The following ARSG variants were observed in gnomAD, a reference collection of about 807,000 sequenced individuals.
ARSG encodes ASG.
In ARSG, 37 loss-of-function variants were observed where a neutral mutation model predicts 50.5. The ratio of observed to expected loss-of-function variants is 0.73; its 90% confidence interval spans 0.56 to 0.96. ARSG has a LOEUF of 0.96. ARSG is among the 50% of genes least tolerant of loss of function. ARSG has a pLI of 0.00. For missense variants in ARSG, 629 were observed against 675.3 expected (o/e 0.93, Z 0.76); for synonymous variants, 225 against 254.6 (o/e 0.88, Z 1.11).
downstream of ARSG, chr17:68,426,236 G>A (rs2083168715): frequency 3.3e-6 from 4 of 1,228,378 alleles, no homozygotes; most frequent in Non-Finnish European, 4.7e-6. Context: ...GCCATGACCT[G>A]GCGGGTGGGG....
the ARSG span, chr17:68,428,797 A>G: frequency 9.0e-6 from 14 of 1,554,540 alleles, no homozygotes; most frequent in Non-Finnish European, 1.2e-5. Flanking sequence ...CCAGCTCTCG[A>G]AAGGCTGTCT....
the ARSG span, chr17:68,428,982 C>T: frequency 2.8e-5 from 41 of 1,449,510 alleles, no homozygotes; most frequent in South Asian, 1.3e-4. Context: ...CGAAGATGGG[C>T]GATGGATTCG....
chr17:68,447,984 CAAAAAAAAAAAA>C, the ARSG span, among the ~76,000 whole-genome samples: 1 of 80,244 alleles, frequency 1.2e-5, no homozygotes, highest in Admixed American at 1.4e-4. Flanking sequence ...GACTCTATCT[CAAAAAAAAAAAA>C]AAAAAAAAAA....
chr17:68,386,571 G>A (rs1044487845), intron 9 of ARSG, among the ~76,000 whole-genome samples: 2 of 152,162 alleles, frequency 1.3e-5, no homozygotes, highest in African/African-American at 2.4e-5. Context: ...AGGGGGCAGC[G>A]TGCTGTCAGC....
intron 2 of ARSG, among the ~76,000 whole-genome samples, chr17:68,323,047 C>T (rs930620798): frequency 6.6e-6 from 1 of 152,018 alleles, no homozygotes; most frequent in Non-Finnish European, 1.5e-5. Context: ...CTCTCTCTCT[C>T]TCTCTCTCTG....
chr17:68,307,274 T>C lies in ARSG; in HGVS notation c.-220T>C. ...AGGGATTGCAAATTTCCTGATTCTTTTGAATTAGGATTCCAGATGGGGGCC... is the reference window on the plus strand; with the variant it reads ...AGGGATTGCAAATTTCCTGATTCTTCTGAATTAGGATTCCAGATGGGGGCC... On this transcript the variant is annotated 5_prime_UTR_variant, in exon 2 of 12. Transcript: ENST00000621439. 1.9e-6 allele frequency: 1 copy of C among 533,874 alleles called. No individual in the cohort carries two copies. The highest frequency in any genetic ancestry group is 3.3e-6 in the Non-Finnish European group (1 of 302,570). The allele number at this position is 533,874 out of a possible 1,614,324, so 33.1% of individuals were successfully genotyped here.
At chr17:68,391,137 C>A (rs934606060) in intron 9 of ARSG, among the ~76,000 whole-genome samples, 1 of 152,114 alleles carries the variant, frequency 6.6e-6, no homozygotes, top group African/African-American at 2.4e-5. Context: ...TTTGGAGTAG[C>A]TGGGGTGCCC....
chr17:68,406,534 GC>G (rs1250724545), intron 11 of ARSG, among the ~76,000 whole-genome samples: 1 of 152,140 alleles, frequency 6.6e-6, no homozygotes, highest in Non-Finnish European at 1.5e-5. Context: ...CCGTATCCAT[GC>G]CAACATCTAC....
chr17:68,346,507 G>T (rs2078511477), intron 3 of ARSG, among the ~76,000 whole-genome samples: 1 of 152,204 alleles, frequency 6.6e-6, no homozygotes, highest in Non-Finnish European at 1.5e-5. Context: ...CCTCAGAGCG[G>T]AAGAGCAGAT....
At chr17:68,318,753 A>G (rs1048668642) in intron 2 of ARSG, among the ~76,000 whole-genome samples, 3 of 152,150 alleles carry the variant, frequency 2.0e-5, no homozygotes, top group East Asian at 1.9e-4. Context: ...AGTCAAGTCA[A>G]TGCTGCTGCT....
chr17:68,355,612 C>T (rs2078995607), intron 5 of ARSG, among the ~76,000 whole-genome samples: 1 of 152,182 alleles, frequency 6.6e-6, no homozygotes, highest in Non-Finnish European at 1.5e-5. Context: ...GCCTTGGCCT[C>T]CCAAAGTTCT....
intron 4 of ARSG, among the ~76,000 whole-genome samples, chr17:68,349,248 A>G (rs147442598): frequency 2.2e-3 from 328 of 151,732 alleles, no homozygotes; most frequent in Non-Finnish European, 3.4e-3. Flanking sequence ...CAGTGAGTTG[A>G]GATTGCACCA....
chr17:68,353,367 C>A (rs1279314264), intron 5 of ARSG, among the ~76,000 whole-genome samples: 2 of 152,044 alleles, frequency 1.3e-5, no homozygotes, highest in Non-Finnish European at 2.9e-5. Flanking sequence ...ATTGAACCAG[C>A]ATGGTGGATA....
At chr17:68,365,214 A>G (rs1644877465) in intron 6 of ARSG, among the ~76,000 whole-genome samples, 1 of 152,176 alleles carries the variant, frequency 6.6e-6, no homozygotes, top group Admixed American at 6.6e-5. Flanking sequence ...CGGGAGGCTG[A>G]GGCAGGAGAA....
intron 9 of ARSG, 29 bp downstream of exon 9, chr17:68,385,201 T>C (rs1214600839): frequency 6.2e-7 from 1 of 1,600,768 alleles, no homozygotes; most frequent in Admixed American, 1.7e-5. Context: ...CTTGAGATGT[T>C]GGGGCCCAGA....
chr17:68,426,250 G>GGT, downstream of ARSG: 4 of 828,046 alleles, frequency 4.8e-6, 1 homozygote, highest in Non-Finnish European at 7.7e-6. Flanking sequence ...GGTGGGGAGC[G>GGT]GGGGCTCAAA....
At chr17:68,315,019 C>G (rs1258646679) in intron 2 of ARSG, among the ~76,000 whole-genome samples, 1 of 152,206 alleles carries the variant, frequency 6.6e-6, no homozygotes, top group Non-Finnish European at 1.5e-5. Context: ...TGCAAGGTGC[C>G]AGGCTCTAGG....
chr17:68,396,158 G>T (rs746676003), intron 10 of ARSG, among the ~76,000 whole-genome samples: 1 of 151,708 alleles, frequency 6.6e-6, no homozygotes, highest in South Asian at 2.1e-4. Context: ...ACACCCTCCC[G>T]AGCCCATGCC....
At chr17:68,320,425 G>A (rs1359917385) in intron 2 of ARSG, among the ~76,000 whole-genome samples, 8 of 151,470 alleles carry the variant, frequency 5.3e-5, no homozygotes, top group African/African-American at 1.9e-4. Context: ...GGAGAGGAGA[G>A]TGTTGTAGGC....
Sources: gnomAD v4.1 joint callset for allele counts (sites outside exome capture counted in the v4.1 genomes callset) on GRCh38, gnomAD v4.1.1 for gene constraint, MANE v1.5 for transcripts, NCBI Gene and HGNC (gene_info 2026-07-23, HGNC 2026-07-21) for gene names.